The following SPDYE10 variants were observed in gnomAD, a reference collection of about 807,000 sequenced individuals.
SPDYE10 encodes the protein speedy/RINGO cell cycle regulator family member E10, also known as speedy protein E10.
At chr7:73,141,228 C>T in the SPDYE10 span, among the ~76,000 whole-genome samples, 3,527 of 145,958 alleles carry the variant, frequency 0.024, no homozygotes, top group African/African-American at 0.06. Context: ...ATTTTTAAAA[C>T]ATCAAGTAAA....
the SPDYE10 span, among the ~76,000 whole-genome samples, chr7:73,137,372 G>A: frequency 4.0e-5 from 6 of 150,574 alleles, no homozygotes; most frequent in African/African-American, 9.9e-5. Context: ...AAAATTAGCC[G>A]GGCGAGGTGG....
the SPDYE10 span, among the ~76,000 whole-genome samples, chr7:73,151,572 CAAT>C: frequency 1.4e-4 from 1 of 7,406 alleles, no homozygotes; most frequent in East Asian, 1.1e-3. Context: ...AAAAAAAAAA[CAAT>C]AATAGTTCAC....
the SPDYE10 span, among the ~76,000 whole-genome samples, chr7:73,137,626 GA>G: frequency 7.4e-6 from 1 of 135,972 alleles, no homozygotes; most frequent in African/African-American, 3.1e-5. Flanking sequence ...AAGAAAGAAA[GA>G]AAGAAAGAAA....
At chr7:73,114,902 A>AT in the SPDYE10 span, among the ~76,000 whole-genome samples, 110 of 94,036 alleles carry the variant, frequency 1.2e-3, no homozygotes, top group African/African-American at 1.6e-3. Context: ...GGGTCATCTG[A>AT]TTTTTTTTTT....
chr7:73,143,276 GGT>G, the SPDYE10 span, among the ~76,000 whole-genome samples: 2 of 152,094 alleles, frequency 1.3e-5, no homozygotes, highest in African/African-American at 4.8e-5. Flanking sequence ...AAAGAAAAGA[GGT>G]GTATTTGGCT....
chr7:73,114,331 C>G, the SPDYE10 span, among the ~76,000 whole-genome samples: 1 of 138,520 alleles, frequency 7.2e-6, no homozygotes, highest in Non-Finnish European at 1.6e-5. Context: ...AGAACAGTCA[C>G]CAGGAGCGGA....
At chr7:73,128,113 A>C in the SPDYE10 span, among the ~76,000 whole-genome samples, 1 of 152,140 alleles carries the variant, frequency 6.6e-6, no homozygotes, top group African/African-American at 2.4e-5. Flanking sequence ...GTATAATGGA[A>C]TATGTTGTAG....
At chr7:73,135,527 T>TTA in the SPDYE10 span, among the ~76,000 whole-genome samples, 1 of 136,414 alleles carries the variant, frequency 7.3e-6, no homozygotes, top group African/African-American at 2.8e-5. Flanking sequence ...TTTCTTTCTT[T>TTA]TCTTTTTTTT....
At chr7:73,114,836 C>T in the SPDYE10 span, among the ~76,000 whole-genome samples, 3 of 149,432 alleles carry the variant, frequency 2.0e-5, no homozygotes, top group South Asian at 2.1e-4. Context: ...CCCAGCCCAG[C>T]CTAGATTTTT....
chr7:73,149,657 T>C, the SPDYE10 span, among the ~76,000 whole-genome samples: 1 of 151,700 alleles, frequency 6.6e-6, no homozygotes, highest in Non-Finnish European at 1.5e-5. Context: ...TGGGCTCATG[T>C]GTGTGGCTGC....
At chr7:73,141,072 A>C in the SPDYE10 span, among the ~76,000 whole-genome samples, 2 of 3,596 alleles carry the variant, frequency 5.6e-4, no homozygotes, top group African/African-American at 2.7e-3. Flanking sequence ...CATTTCTACC[A>C]CACACACACA....
the SPDYE10 span, among the ~76,000 whole-genome samples, chr7:73,126,909 GT>G: frequency 2.0e-3 from 138 of 68,816 alleles, no homozygotes; most frequent in African/African-American, 5.2e-3. Context: ...GTTGTTGGTG[GT>G]TTTTTTTTTT....
chr7:73,113,805 G>A, the SPDYE10 span, among the ~76,000 whole-genome samples: 1 of 152,002 alleles, frequency 6.6e-6, no homozygotes, highest in Non-Finnish European at 1.5e-5. Flanking sequence ...GGAGGCCAAG[G>A]AGGGTGGATC....
chr7:73,151,982 CCTG>C, the SPDYE10 span, among the ~76,000 whole-genome samples: 1 of 150,006 alleles, frequency 6.7e-6, no homozygotes, highest in African/African-American at 2.5e-5. Flanking sequence ...TTTTGTTTCA[CCTG>C]CTTTTTTTTA....
chr7:73,138,357 G>T, the SPDYE10 span, among the ~76,000 whole-genome samples: 2 of 151,844 alleles, frequency 1.3e-5, no homozygotes, highest in South Asian at 2.1e-4. Flanking sequence ...TTGACCATGG[G>T]CCTAATTTGT....
the SPDYE10 span, among the ~76,000 whole-genome samples, chr7:73,123,770 T>TCTCTCTCTCTCTCTCCCC: frequency 6.7e-6 from 1 of 149,914 alleles, no homozygotes; most frequent in African/African-American, 2.5e-5. Context: ...TTCCTTTCTC[T>TCTCTCTCTCTCTCTCCCC]CTCTCTCTCT....
chr7:73,113,778 G>T, the SPDYE10 span, among the ~76,000 whole-genome samples: 1 of 152,026 alleles, frequency 6.6e-6, no homozygotes, highest in African/African-American at 2.4e-5. Context: ...GCTCATGCCT[G>T]TAATCCCAGC....
At chr7:73,143,729 G>T in the SPDYE10 span, among the ~76,000 whole-genome samples, 6 of 152,132 alleles carry the variant, frequency 3.9e-5, no homozygotes, top group Admixed American at 2.6e-4. Context: ...ATGGAGTCTT[G>T]CTCCGTTGCC....
At chr7:73,128,789 C>CATTT in the SPDYE10 span, among the ~76,000 whole-genome samples, 184 of 81,042 alleles carry the variant, frequency 2.3e-3, 1 homozygote, top group African/African-American at 9.4e-3. Flanking sequence ...GTGTATGTTA[C>CATTT]ATTTATTTAT....
Sources: gnomAD v4.1 joint callset for allele counts (sites outside exome capture counted in the v4.1 genomes callset) on GRCh38, gnomAD v4.1.1 for gene constraint, MANE v1.5 for transcripts, NCBI Gene and HGNC (gene_info 2026-07-23, HGNC 2026-07-21) for gene names.